FMN2: variants seen among roughly 807,000 people sequenced by gnomAD.
FMN2 encodes the protein formin-2.
FMN2 carries 51 observed loss-of-function variants against 142.3 expected under a neutral mutation model. The ratio of observed to expected loss-of-function variants is 0.36; its 90% CI spans 0.29 to 0.45. FMN2 has a LOEUF of 0.45. Ranked by LOEUF, FMN2 falls within the 20% of genes least tolerant of loss-of-function variation. The pLI is 1.00. For missense variants in FMN2, 1,936 were observed against 2,122.8 expected (o/e 0.91, Z 1.73); for synonymous variants, 882 against 869.8 (o/e 1.01, Z -0.25).
chr1:240,395,178 C>T (rs1189933235), intron 15 of FMN2, among the ~76,000 whole-genome samples: 1 of 152,104 alleles, frequency 6.6e-6, no homozygotes, highest in Non-Finnish European at 1.5e-5. Flanking sequence ...CTGTTTACAG[C>T]ATAGCTTACT....
At chr1:240,214,272 C>T (rs1040277928) in intron 6 of FMN2, among the ~76,000 whole-genome samples, 3 of 152,048 alleles carry the variant, frequency 2.0e-5, no homozygotes, top group Non-Finnish European at 4.4e-5. Context: ...GTGATCTTGG[C>T]CGGGTGTGGT....
intron 15 of FMN2, among the ~76,000 whole-genome samples, chr1:240,404,601 G>A (rs1424569512): frequency 3.3e-5 from 5 of 152,364 alleles, no homozygotes; most frequent in East Asian, 1.9e-4. Flanking sequence ...AGGCCCAGCA[G>A]AGCAAGGCTT....
chr1:240,207,036 A>G lies in FMN2; in HGVS notation c.2224A>G (p.Lys742Glu). Reference sequence around the variant, plus strand: ...ACGGCATCATAGGATTTTAGAGGCGAAATCGATACAGACTTCCCCCACGGA... The same window carrying G: ...ACGGCATCATAGGATTTTAGAGGCGGAATCGATACAGACTTCCCCCACGGA... ...EVRHHRILEA[K>E]SIQTSPTEEG... Residue 742 changes from lysine (K) to glutamate (E), a missense_variant, in exon 5 of 18, where the codon AAA (lysine) becomes GAA (glutamate). Lys to Glu is a moderately conservative substitution (Grantham distance 56). This residue lies in a region of FMN2 where 478 missense variants were observed against 462.8 expected (regional missense o/e 1.03). Transcript: ENST00000319653. 1.9e-6 allele frequency: 3 copies of G among 1,614,170 alleles called. No homozygotes were observed. The highest frequency in any genetic ancestry group is 2.5e-6 in the Non-Finnish European group (3 of 1,180,006).
At chr1:240,374,133 A>G (rs577675069) in intron 14 of FMN2, among the ~76,000 whole-genome samples, 3 of 152,340 alleles carry the variant, frequency 2.0e-5, no homozygotes, top group Non-Finnish European at 4.4e-5. Context: ...AGTAGGTCTC[A>G]GCAGTGGGCC....
intron 10 of FMN2, among the ~76,000 whole-genome samples, chr1:240,329,924 C>CA (rs1191266116): frequency 6.6e-6 from 1 of 151,700 alleles, no homozygotes. Flanking sequence ...CTTCCGAAAA[C>CA]AAAAAATAAA....
intron 6 of FMN2, among the ~76,000 whole-genome samples, chr1:240,217,712 T>G (rs1398550411): frequency 6.6e-6 from 1 of 151,954 alleles, no homozygotes; most frequent in Non-Finnish European, 1.5e-5. Context: ...GCATACCCAA[T>G]CAATTCAAGG....
At chr1:240,307,896 G>A (rs148033650) in intron 8 of FMN2, among the ~76,000 whole-genome samples, 131 of 152,116 alleles carry the variant, frequency 8.6e-4, no homozygotes, top group Admixed American at 2.9e-3. Flanking sequence ...TGTTTGTGTC[G>A]TCTATGATTT....
intron 2 of FMN2, chr1:240,170,687 G>T: frequency 6.4e-7 from 1 of 1,570,230 alleles, no homozygotes; most frequent in Non-Finnish European, 8.8e-7. Context: ...TGCCTTCTAG[G>T]TTGTGGCATT....
chr1:240,466,855 T>A (rs1676635627), intron 16 of FMN2, among the ~76,000 whole-genome samples: 1 of 152,124 alleles, frequency 6.6e-6, no homozygotes, highest in Admixed American at 6.6e-5. Context: ...CAATGAAGTA[T>A]GTGGGAGCTG....
In FMN2 at chr1:240,092,887, G is replaced by A. The variant is rs147858483; in HGVS notation, c.778G>A (p.Ala260Thr). The A allele has an allele frequency of 1.6e-3, 2,427 of 1,517,818 alleles. 37 individuals carry two copies. The African/African-American group carries it at 0.029, about 18-fold the overall frequency. 94.0% of individuals were successfully genotyped at this position (1,517,818 alleles called of 1,614,324 possible). The change falls in exon 1 of 18, where the codon GCT becomes ACT. Residue 260 changes from alanine to threonine, a missense_variant. Ala to Thr is a moderately conservative substitution (Grantham distance 58, BLOSUM62 0). Around this residue, in one of 8 missense-constraint regions of FMN2, gnomAD observed 751 missense variants for 791.8 expected, o/e 0.95. Transcript: ENST00000319653. Reference protein sequence around the residue: ...DRFLLGPSGGAGEAPGSPDTE... With the variant: ...DRFLLGPSGGTGEAPGSPDTE... ...GTTCCTGCTGGGGCCGAGCGGCGGG[G>A]CTGGGGAGGCCCCGGGCAGTCCGGA...
At position 240,316,060 on chromosome 1, in the gene FMN2, C is replaced by T. The variant is rs190876730; in HGVS notation, c.4216-13016C>T. Among the ~76,000 whole-genome samples the T allele has an allele frequency of 2.5e-3, 384 of 152,240 alleles. 1 individual carries two copies. The highest frequency in any genetic ancestry group is 8.4e-3 in the African/African-American group (350 of 41,544). The stretch of plus-strand genomic sequence containing the variant: ...CCCTCCAATAAATATTTAGAGTGAA[C>T]CTACTGTGTGCCAGGCACTGTTCTA... On this transcript the variant is annotated intron_variant, in intron 8 of 17. Coordinates refer to ENST00000319653, the MANE Select transcript of FMN2 (RefSeq NM_020066.5).
At chr1:240,353,741 G>C (rs148121109) in intron 13 of FMN2, among the ~76,000 whole-genome samples, 1 of 152,104 alleles carries the variant, frequency 6.6e-6, no homozygotes, top group Non-Finnish European at 1.5e-5. Flanking sequence ...GGATTGAATG[G>C]GACAGTACAG....
chr1:240,321,290 T>C (rs1670963709), intron 8 of FMN2, among the ~76,000 whole-genome samples: 1 of 152,190 alleles, frequency 6.6e-6, no homozygotes, highest in Non-Finnish European at 1.5e-5. Flanking sequence ...TCAGAGTATT[T>C]GTTACCAAGG....
At chr1:240,125,075 A>G (rs1183625682) in intron 2 of FMN2, among the ~76,000 whole-genome samples, 2 of 152,252 alleles carry the variant, frequency 1.3e-5, no homozygotes, top group Non-Finnish European at 2.9e-5. Context: ...CTTTAAAGAC[A>G]ATGACAAAGC....
At chr1:240,298,633 A>G (rs897744871) in intron 8 of FMN2, among the ~76,000 whole-genome samples, 22 of 152,176 alleles carry the variant, frequency 1.4e-4, no homozygotes, top group Admixed American at 1.3e-3. Flanking sequence ...AGCTAGGAGT[A>G]CAAACCCTTT....
intron 2 of FMN2, among the ~76,000 whole-genome samples, chr1:240,153,969 A>C (rs1393886537): frequency 6.6e-6 from 1 of 151,914 alleles, no homozygotes; most frequent in Non-Finnish European, 1.5e-5. Context: ...TACAAAAATC[A>C]GCCAGGTGTG....
At chr1:240,174,386 G>A (rs145284200) in intron 2 of FMN2, among the ~76,000 whole-genome samples, 1 of 152,116 alleles carries the variant, frequency 6.6e-6, no homozygotes, top group Admixed American at 6.5e-5. Flanking sequence ...ACAAGGTCTT[G>A]CTCTGTTGTC....
chr1:240,317,294 G>A (rs1438421014), intron 8 of FMN2, among the ~76,000 whole-genome samples: 1 of 138,276 alleles, frequency 7.2e-6, no homozygotes, highest in Admixed American at 7.5e-5. Flanking sequence ...CCAGCCTGGG[G>A]AGACTCCATC....
rs768951982 is a variant in FMN2 at position 240,334,095 on chromosome 1, T to A, written c.4645-14T>A. ...CCAATTTCTTTAAATATGATGGGGT[T>A]TTTTGTTCATTAGGATGCTGGAAAA... On this transcript the variant is annotated splice_polypyrimidine_tract_variant and intron_variant, in intron 12 of 17. Coordinates refer to ENST00000319653, the MANE Select transcript of FMN2 (RefSeq NM_020066.5). 6 of 1,583,904 alleles carry A rather than the reference T, an allele frequency of 3.8e-6. No individual in the cohort carries two copies. The highest frequency in any genetic ancestry group is 5.1e-6 in the Non-Finnish European group (6 of 1,172,146).
Sources: gnomAD v4.1 joint callset for allele counts (sites outside exome capture counted in the v4.1 genomes callset) on GRCh38, gnomAD v4.1.1 for gene constraint, gnomAD v4.1.1 regional missense constraint, MANE v1.5 for transcripts, NCBI Gene and HGNC (gene_info 2026-07-23, HGNC 2026-07-21) for gene names.